CTNNA2: variants seen among roughly 807,000 people sequenced by gnomAD.
The protein encoded by CTNNA2 is catenin alpha-2.
In CTNNA2, 42 loss-of-function variants were observed where a neutral mutation model predicts 101.0. The observed-to-expected ratio is 0.42, with a 90% CI of 0.32 to 0.54. CTNNA2 has a LOEUF of 0.54. Among genes scored for constraint, CTNNA2 ranks in the 20% least tolerant of loss-of-function variants. The pLI is 0.14. For synonymous variants in CTNNA2, 450 were observed against 456.4 expected (o/e 0.99, Z 0.18); for missense variants, 871 against 1,223.1 (o/e 0.71, Z 4.29).
chr2:80,413,504 C>T (rs1679774830), intron 8 of CTNNA2, among the ~76,000 whole-genome samples: 1 of 152,188 alleles, frequency 6.6e-6, no homozygotes, highest in Non-Finnish European at 1.5e-5. Flanking sequence ...CCCACCCCAA[C>T]CTGAACAATG....
rs183360263 is a variant in CTNNA2, at chr2:79,706,216, A to G, written c.103-38171A>G. The stretch of plus-strand genomic sequence containing the variant: ...CGTCTCTACTAAAAATACAAAAAAT[A>G]TGCGGGCGTGGTGGCGGGCGCCTGT... On this transcript the variant is annotated intron_variant, in intron 2 of 18. Transcript: ENST00000402739. Among the ~76,000 whole-genome samples the G allele has an allele frequency of 4.6e-3, 705 of 151,836 alleles. 8 individuals are homozygous for G. Among genetic ancestry groups the G allele is most frequent in the African/African-American group, 0.016 (676 of 41,446 alleles).
chr2:80,213,071 A>AT (rs1206526131), intron 7 of CTNNA2, among the ~76,000 whole-genome samples: 1 of 151,740 alleles, frequency 6.6e-6, no homozygotes, highest in Non-Finnish European at 1.5e-5. Context: ...CCCCTTTATC[A>AT]TTTTTTATTG....
intron 3 of CTNNA2, among the ~76,000 whole-genome samples, chr2:79,327,662 G>A (rs1005509833): frequency 5.9e-5 from 9 of 152,118 alleles, no homozygotes; most frequent in African/African-American, 2.2e-4. Flanking sequence ...AGGGACACTA[G>A]GTGGCATTAT....
intron 7 of CTNNA2, among the ~76,000 whole-genome samples, chr2:80,204,020 C>A (rs1707372717): frequency 6.6e-6 from 1 of 152,122 alleles, no homozygotes; most frequent in Non-Finnish European, 1.5e-5. Context: ...ATACCATGGC[C>A]CCTTTTAGTT....
intron 17 of CTNNA2, among the ~76,000 whole-genome samples, chr2:80,614,570 C>T (rs963735618): frequency 2.0e-5 from 3 of 151,260 alleles, no homozygotes; most frequent in Admixed American, 6.6e-5. Context: ...CCCAGACAAA[C>T]CTATTTAAGA....
In CTNNA2 at chr2:80,601,268, T is replaced by G. The variant is rs1420048648; in HGVS notation, c.2190-2806T>G. On this transcript the variant is annotated intron_variant, in intron 15 of 18. Coordinates refer to ENST00000402739, the MANE Select transcript of CTNNA2 (RefSeq NM_001282597.3). ...TAAATAGTTTTGTTTTAGTTGCTTC[T>G]GGGAATATCAATATTATGTAACTGA... 3.3e-5 allele frequency among the ~76,000 whole-genome samples: 5 copies of G among 152,148 alleles called. No homozygotes were observed. The East Asian group carries it at 9.7e-4, about 29-fold the overall frequency.
chr2:79,294,124 T>C (rs1265842215), intron 2 of CTNNA2, among the ~76,000 whole-genome samples: 1 of 151,866 alleles, frequency 6.6e-6, no homozygotes, highest in Non-Finnish European at 1.5e-5. Flanking sequence ...CAACTCTCTT[T>C]CTGGCTTATA....
chr2:80,001,560 C>T (rs2103962291), intron 7 of CTNNA2, among the ~76,000 whole-genome samples: 1 of 152,178 alleles, frequency 6.6e-6, no homozygotes, highest in East Asian at 1.9e-4. Context: ...AATTTTTCTC[C>T]TGGGGATTAG....
At chr2:80,586,954 C>T (rs892219168) in intron 14 of CTNNA2, among the ~76,000 whole-genome samples, 1 of 152,118 alleles carries the variant, frequency 6.6e-6, no homozygotes, top group African/African-American at 2.4e-5. Flanking sequence ...TGGCATCCAC[C>T]AGGATGCACA....
intron 1 of CTNNA2, among the ~76,000 whole-genome samples, chr2:79,647,694 A>G (rs1368668619): frequency 6.6e-6 from 1 of 152,226 alleles, no homozygotes; most frequent in African/African-American, 2.4e-5. Flanking sequence ...ATTTAAACAA[A>G]AGTCTATTTG....
chr2:80,486,739 C>A (rs1356180457), intron 9 of CTNNA2, among the ~76,000 whole-genome samples: 1 of 152,112 alleles, frequency 6.6e-6, no homozygotes, highest in South Asian at 2.1e-4. Context: ...CCTATTTACC[C>A]TTTGTCCAAC....
In CTNNA2 at chr2:80,619,172, C is replaced by T; in HGVS notation, c.2518C>T (p.Leu840Phe). The T allele has an allele frequency of 6.3e-7, 1 of 1,583,168 alleles. No homozygotes were observed. Among genetic ancestry groups the T allele is most frequent in the Non-Finnish European group, 8.6e-7 (1 of 1,164,068 alleles). The change falls in exon 18 of 19, where the codon CTC becomes TTC. Residue 840 changes from leucine to phenylalanine, a missense_variant. Transcript: ENST00000402739. The stretch of plus-strand genomic sequence containing the variant: ...CAGGGCTAGTCAACTTTCTACCCAC[C>T]TCCCAACCTGTGCTGAGGGAGCTCC... ...GGRASQLSTH[L>F]PTCAEGAPIG...
At chr2:80,594,195 T>G (rs1289184526) in intron 15 of CTNNA2, among the ~76,000 whole-genome samples, 1 of 152,134 alleles carries the variant, frequency 6.6e-6, no homozygotes. Context: ...CTAATGGATG[T>G]GAAGTGGTGT....
At chr2:80,438,556 T>C (rs1682259361) in intron 9 of CTNNA2, among the ~76,000 whole-genome samples, 1 of 152,356 alleles carries the variant, frequency 6.6e-6, no homozygotes, top group Non-Finnish European at 1.5e-5. Flanking sequence ...AATTTTATGA[T>C]GGTCTAGGTC....
At chr2:80,075,051 T>A in intron 7 of CTNNA2, among the ~76,000 whole-genome samples, 1 of 152,248 alleles carries the variant, frequency 6.6e-6, no homozygotes, top group East Asian at 1.9e-4. Flanking sequence ...CTGTTTTTTT[T>A]CTTTTTGTTG....
intron 2 of CTNNA2, among the ~76,000 whole-genome samples, chr2:79,689,239 T>C (rs1451682476): frequency 6.6e-6 from 1 of 151,992 alleles, no homozygotes; most frequent in Non-Finnish European, 1.5e-5. Flanking sequence ...TGTCTGGATT[T>C]CTGTCATTCT....
At chr2:79,271,609 T>C (rs915638671) in intron 2 of CTNNA2, among the ~76,000 whole-genome samples, 2 of 151,890 alleles carry the variant, frequency 1.3e-5, no homozygotes, top group Non-Finnish European at 1.5e-5. Flanking sequence ...ATCATACCAG[T>C]GGGTGGAGGC....
intron 2 of CTNNA2, among the ~76,000 whole-genome samples, chr2:79,265,295 C>A (rs1263415423): frequency 1.3e-5 from 2 of 152,152 alleles, no homozygotes; most frequent in African/African-American, 4.8e-5. Flanking sequence ...AAACATCATA[C>A]ATTTCTACCC....
intron 3 of CTNNA2, among the ~76,000 whole-genome samples, chr2:79,748,325 T>G (rs778899691): frequency 6.6e-6 from 1 of 152,204 alleles, no homozygotes; most frequent in African/African-American, 2.4e-5. Flanking sequence ...CACAGTATCT[T>G]TCCTTCTATC....
Sources: gnomAD v4.1 joint callset for allele counts (sites outside exome capture counted in the v4.1 genomes callset) on GRCh38, gnomAD v4.1.1 for gene constraint, MANE v1.5 for transcripts, NCBI Gene and HGNC (gene_info 2026-07-23, HGNC 2026-07-21) for gene names.